Variants in RFTN2 observed in about 807,000 individuals in gnomAD.
The protein encoded by RFTN2 is raftlin-2.
Under a neutral mutation model 52.7 loss-of-function variants are expected in RFTN2, and 34 were observed. The observed-to-expected ratio is 0.64, with a 90% confidence interval of 0.49 to 0.86. The LOEUF (loss-of-function observed/expected upper bound fraction) is 0.86, where lower values mean the gene tolerates loss of function less well. Among genes scored for constraint, RFTN2 ranks in the 40% least tolerant of loss-of-function variants. The probability of loss-of-function intolerance (pLI) is 0.00; values close to 1 mark genes in which losing one functional copy is unlikely to be tolerated. For missense variants in RFTN2, 536 were observed against 600.1 expected (o/e 0.89, Z 1.12); for synonymous variants, 203 against 217.7 (o/e 0.93, Z 0.59).
rs528888866 is a variant in RFTN2 at position 197,575,796 on chromosome 2, A to G, written c.1234-3516T>C. 2.2e-3 allele frequency among the ~76,000 whole-genome samples: 304 copies of G among 139,144 alleles called. 2 individuals are homozygous for G. Among genetic ancestry groups the G allele is most frequent in the African/African-American group, 7.8e-3 (296 of 38,128 alleles). The allele number at this position is 139,144 out of a possible 152,430, so 91.3% of individuals were successfully genotyped here. ...ATATATTCTATATATAATATATTAT[A>G]TATATTTTATATACATAATATATAT... On this transcript the variant is annotated intron_variant, in intron 8 of 8. Transcript: ENST00000295049.
intron 7 of RFTN2, among the ~76,000 whole-genome samples, chr2:197,601,379 T>C (rs1443328822): frequency 2.6e-5 from 4 of 152,238 alleles, no homozygotes; most frequent in Non-Finnish European, 5.9e-5. Context: ...ACTCCTGTAG[T>C]GCTCTCAGCG....
chr2:197,624,394 T>A (rs1452422296), intron 5 of RFTN2, among the ~76,000 whole-genome samples: 1 of 147,008 alleles, frequency 6.8e-6, no homozygotes, highest in East Asian at 2.1e-4. Context: ...GGTCGGGAGA[T>A]GGAGACCATC....
intron 7 of RFTN2, among the ~76,000 whole-genome samples, chr2:197,597,478 C>T (rs1180329016): frequency 2.0e-5 from 3 of 152,032 alleles, no homozygotes; most frequent in East Asian, 1.9e-4. Flanking sequence ...TAATAGCTGA[C>T]GCCTTTAATC....
In RFTN2 at chr2:197,675,436, A is replaced by G; in HGVS notation, c.23T>C (p.Leu8Pro). The G allele has an allele frequency of 6.3e-7, 1 of 1,597,888 alleles. No homozygotes were observed. Among genetic ancestry groups the G allele is most frequent in the South Asian group, 1.1e-5 (1 of 88,574 alleles). Residue 8 changes from leucine to proline, a missense_variant, in exon 1 of 9, where the codon CTA becomes CCA. Leu to Pro is a moderately conservative substitution (Grantham distance 98). Transcript: ENST00000295049. MGCGLRK[L>P]EDPDDSSPGK... ...AGGGCTGCTATCATCAGGGTCTTCT[A>G]GCTTTCTAAGTCCGCACCCCATGGC...
intron 8 of RFTN2, among the ~76,000 whole-genome samples, chr2:197,583,441 C>T (rs561482826): frequency 2.0e-5 from 3 of 152,054 alleles, no homozygotes; most frequent in Non-Finnish European, 2.9e-5. Flanking sequence ...TTATACATTC[C>T]GATAATGGAC....
At chr2:197,608,119 T>G (rs1004392731) in intron 7 of RFTN2, among the ~76,000 whole-genome samples, 1 of 152,134 alleles carries the variant, frequency 6.6e-6, no homozygotes, top group Non-Finnish European at 1.5e-5. Context: ...ACATCTGCTT[T>G]GGCTGCCACA....
chr2:197,589,588 T>C (rs146957474), intron 8 of RFTN2, among the ~76,000 whole-genome samples: 80 of 152,346 alleles, frequency 5.3e-4, no homozygotes, highest in African/African-American at 1.9e-3. Context: ...TTATGAGTTT[T>C]CATTTGCACT....
chr2:197,622,679 AGAG>A (rs1383149840), intron 5 of RFTN2, among the ~76,000 whole-genome samples: 1 of 152,226 alleles, frequency 6.6e-6, no homozygotes, highest in Non-Finnish European at 1.5e-5. Flanking sequence ...TCATTGCTAG[AGAG>A]GAGAAGTCAA....
chr2:197,588,056 TTG>T (rs913821044), intron 8 of RFTN2: 6 of 464,892 alleles, frequency 1.3e-5, no homozygotes, highest in Admixed American at 9.7e-5. Context: ...TGTAAAAGAT[TTG>T]TGTGTTTCCT....
At chr2:197,665,543 G>A (rs1306777304) in intron 1 of RFTN2, among the ~76,000 whole-genome samples, 2 of 24,164 alleles carry the variant, frequency 8.3e-5, no homozygotes, top group East Asian at 1.2e-3. Flanking sequence ...TACTGTTTTC[G>A]ACTTACTGTT....
chr2:197,589,527 T>C (rs2087662743), intron 8 of RFTN2, among the ~76,000 whole-genome samples: 1 of 152,232 alleles, frequency 6.6e-6, no homozygotes, highest in African/African-American at 2.4e-5. Flanking sequence ...CAGTTCTTGG[T>C]ATTGTCAGTA....
chr2:197,627,577 G>A, intron 5 of RFTN2, among the ~76,000 whole-genome samples: 1 of 152,152 alleles, frequency 6.6e-6, no homozygotes, highest in East Asian at 1.9e-4. Flanking sequence ...TTTTATAGGA[G>A]TGGAAAGATT....
At chr2:197,664,801 G>A (rs1038623969) in intron 1 of RFTN2, among the ~76,000 whole-genome samples, 4 of 152,010 alleles carry the variant, frequency 2.6e-5, no homozygotes, top group Non-Finnish European at 5.9e-5. Context: ...AAATTTTGTT[G>A]AGACTCATTT....
chr2:197,662,015 C>T (rs1015454831), intron 1 of RFTN2, among the ~76,000 whole-genome samples: 2 of 152,118 alleles, frequency 1.3e-5, no homozygotes, highest in Non-Finnish European at 2.9e-5. Context: ...TGTTTGAGTT[C>T]CTTGTGTATA....
At chr2:197,660,870 A>G (rs1005431493) in intron 1 of RFTN2, among the ~76,000 whole-genome samples, 1 of 151,954 alleles carries the variant, frequency 6.6e-6, no homozygotes, top group African/African-American at 2.4e-5. Context: ...AGTATTTATT[A>G]TTTCTATGTG....
At chr2:197,655,485 A>C (rs1416543358) in intron 1 of RFTN2, among the ~76,000 whole-genome samples, 1 of 152,218 alleles carries the variant, frequency 6.6e-6, no homozygotes, top group Non-Finnish European at 1.5e-5. Flanking sequence ...AGGGAGAACA[A>C]ATGTTGTACA....
At chr2:197,625,412 T>A (rs1406329747) in intron 5 of RFTN2, among the ~76,000 whole-genome samples, 2 of 152,112 alleles carry the variant, frequency 1.3e-5, no homozygotes, top group Non-Finnish European at 2.9e-5. Context: ...GAGGTAACAC[T>A]CCATTTTAGT....
Position 197,633,877 on chromosome 2 carries a change from T to C in RFTN2, c.559A>G (p.Arg187Gly), listed in dbSNP as rs777725840. The change falls in exon 4 of 9, where the codon AGA (arginine) becomes GGA (glycine). Residue 187 changes from arginine (R) to glycine (G), a missense_variant. Arg to Gly is a moderately radical substitution (Grantham distance 125). Transcript: ENST00000295049. The stretch of plus-strand genomic sequence containing the variant: ...CTACAGTTTTCATCTGAACCGTGTC[T>C]CACATGTAGCATCGATTCTATATCT... Reference protein sequence around the residue: ...DGDIESMLHVRHGSDENCRSW... With the variant: ...DGDIESMLHVGHGSDENCRSW... 1 of 1,613,978 alleles carries C rather than the reference T, an allele frequency of 6.2e-7. No homozygotes were observed. Among genetic ancestry groups the C allele is most frequent in the South Asian group, 1.1e-5 (1 of 91,068 alleles).
chr2:197,617,949 G>A (rs1344647494), intron 5 of RFTN2, 28 bp from the exon 6 acceptor site: 1 of 1,565,826 alleles, frequency 6.4e-7, no homozygotes, highest in African/African-American at 1.4e-5. Flanking sequence ...CAATTAAGAA[G>A]GGTTGTAAAT....
Sources: allele counts gnomAD v4.1 joint callset (sites outside exome capture counted in the v4.1 genomes callset), GRCh38; gene constraint gnomAD v4.1.1; transcripts MANE v1.5; gene names NCBI Gene and HGNC (gene_info 2026-07-23, HGNC 2026-07-21).